Variants in NELL2 observed in about 807,000 individuals in gnomAD.
NELL2 encodes the protein neural EGFL like 2.
Under a neutral mutation model 109.6 loss-of-function variants are expected in NELL2, and 41 were observed. That is an observed-to-expected ratio of 0.37 (90% CI 0.29 to 0.49). NELL2 has a LOEUF of 0.49. Among genes scored for constraint, NELL2 ranks in the 20% least tolerant of loss-of-function variants. NELL2 has a pLI of 0.98. For missense variants in NELL2, 900 were observed against 1,008.3 expected (o/e 0.89, Z 1.45); for synonymous variants, 355 against 344.7 (o/e 1.03, Z -0.33).
At chr12:44,796,771 A>G (rs1473364696) in intron 3 of NELL2, among the ~76,000 whole-genome samples, 1 of 152,180 alleles carries the variant, frequency 6.6e-6, no homozygotes, top group Non-Finnish European at 1.5e-5. Context: ...AGATAAGATC[A>G]GTAGCAAATT....
intron 1 of NELL2, among the ~76,000 whole-genome samples, chr12:44,921,522 C>T (rs1945867930): frequency 6.6e-6 from 1 of 152,136 alleles, no homozygotes; most frequent in South Asian, 2.1e-4. Flanking sequence ...CTCTGTGTAC[C>T]TTGACCCTCA....
At chr12:44,761,086 G>A (rs1259552417) in intron 9 of NELL2, among the ~76,000 whole-genome samples, 1 of 152,186 alleles carries the variant, frequency 6.6e-6, no homozygotes, top group Non-Finnish European at 1.5e-5. Context: ...ACACAGCCTG[G>A]TGCGGTGGCT....
intron 1 of NELL2, among the ~76,000 whole-genome samples, chr12:44,892,923 TA>T (rs566000030): frequency 1.3e-5 from 2 of 151,780 alleles, no homozygotes; most frequent in African/African-American, 4.8e-5. Flanking sequence ...TCCAAACTAT[TA>T]AAAAAAATCA....
intron 2 of NELL2, among the ~76,000 whole-genome samples, chr12:44,856,403 T>C (rs954690661): frequency 2.6e-5 from 4 of 152,196 alleles, no homozygotes; most frequent in Non-Finnish European, 5.9e-5. Context: ...GTATGGTAAA[T>C]AATAAGTGTT....
rs1945490634 is a variant in NELL2, at chr12:44,887,714, C to T, written c.39-11814G>A. On this transcript the variant is annotated intron_variant, in intron 1 of 20. Transcript: ENST00000333837. ...TTTTGCTATTGAGTTGTTTGAGCTC[C>T]TTATATTCTGGTTATTAATCCCTTG... is the stretch of plus-strand genomic sequence containing the variant. Among the ~76,000 whole-genome samples the T allele has an allele frequency of 5.3e-5, 8 of 151,260 alleles. No individual in the cohort carries two copies. The South Asian group carries it at 1.7e-3, about 32-fold the overall frequency.
rs1592388397 is a variant in NELL2, at chr12:44,716,571, T to A, written c.995-1830A>T. ...ACATCTAATTTTTAGGATTTTTTTG[T>A]TTTTATGAAACTCAGTAACCTCAAC... On this transcript the variant is annotated intron_variant, in intron 9 of 19. Transcript: ENST00000429094. Among the ~76,000 whole-genome samples the A allele has an allele frequency of 4.6e-5, 7 of 151,298 alleles. No individual in the cohort carries two copies. In the South Asian group the frequency reaches 1.4e-3, roughly 31 times the overall value.
chr12:44,715,369 A>T (rs998170583), intron 9 of NELL2, among the ~76,000 whole-genome samples: 1 of 150,894 alleles, frequency 6.6e-6, no homozygotes. Context: ...CATGGGAAAA[A>T]TATGTTTTTA....
rs554310023 is a variant in NELL2 at position 44,763,955 on chromosome 12, C to T, written c.994+10792G>A. ...ACAGTTTAATTTTGCATTGAGACAGCACAATCTTTCTCAGCAGAACCACCC... is the reference window on the plus strand; with the variant it reads ...ACAGTTTAATTTTGCATTGAGACAGTACAATCTTTCTCAGCAGAACCACCC... On this transcript the variant is annotated intron_variant, in intron 9 of 19. Coordinates refer to ENST00000429094, the MANE Select transcript of NELL2 (RefSeq NM_001145108.2). 4.6e-5 allele frequency among the ~76,000 whole-genome samples: 7 copies of T among 152,232 alleles called. No homozygotes were observed. The South Asian group carries it at 1.4e-3, about 32-fold the overall frequency.
At chr12:44,666,701 A>T (rs1592296372) in intron 12 of NELL2, among the ~76,000 whole-genome samples, 1 of 152,314 alleles carries the variant, frequency 6.6e-6, no homozygotes, top group East Asian at 1.9e-4. Context: ...GAGGGACAAA[A>T]CTGAGTCCTA....
At chr12:44,651,264 C>G (rs1947291523) in intron 13 of NELL2, among the ~76,000 whole-genome samples, 2 of 152,172 alleles carry the variant, frequency 1.3e-5, no homozygotes, top group African/African-American at 2.4e-5. Context: ...GACACGCAGT[C>G]AATGGAATTT....
intron 15 of NELL2, among the ~76,000 whole-genome samples, chr12:44,594,017 C>A (rs1184127567): frequency 1.3e-5 from 2 of 151,834 alleles, no homozygotes; most frequent in Admixed American, 6.6e-5. Flanking sequence ...TCATTCTCAG[C>A]AAACTAACAC....
chr12:44,827,682 G>A (rs72482219), intron 2 of NELL2, among the ~76,000 whole-genome samples: 1,571 of 152,204 alleles, frequency 0.01, 31 homozygotes, highest in East Asian at 0.048. Flanking sequence ...TACTCATCGT[G>A]TGTAAGTACC....
At chr12:44,705,197 A>G (rs1055842604) in intron 11 of NELL2, among the ~76,000 whole-genome samples, 1 of 152,118 alleles carries the variant, frequency 6.6e-6, no homozygotes, top group Non-Finnish European at 1.5e-5. Context: ...GAGTTAAAAC[A>G]TACTCCCTAT....
chr12:44,817,137 C>T (rs1566461687), intron 2 of NELL2, among the ~76,000 whole-genome samples: 1 of 152,178 alleles, frequency 6.6e-6, no homozygotes, highest in Non-Finnish European at 1.5e-5. Context: ...AAACATTTAG[C>T]ACTCCTGGGT....
At chr12:44,724,085 C>T (rs369984630) in intron 9 of NELL2, among the ~76,000 whole-genome samples, 23 of 151,930 alleles carry the variant, frequency 1.5e-4, no homozygotes, top group African/African-American at 5.1e-4. Flanking sequence ...AGATCATGCC[C>T]TTTGCAAAAC....
intron 3 of NELL2, among the ~76,000 whole-genome samples, chr12:44,814,232 G>T (rs1386741797): frequency 6.6e-6 from 1 of 152,192 alleles, no homozygotes; most frequent in African/African-American, 2.4e-5. Flanking sequence ...ATCTATGTAA[G>T]GGATGTCATC....
chr12:44,887,710 G>A (rs143131527), intron 1 of NELL2, among the ~76,000 whole-genome samples: 2,078 of 151,456 alleles, frequency 0.014, 69 homozygotes, highest in African/African-American at 0.048. Context: ...AGTTGTTTGA[G>A]CTCCTTATAT....
rs1949019226 is a variant in NELL2 at position 44,695,063 on chromosome 12, A to AGAGGGAGGAAGG, written c.1318+8651_1318+8662dup. On this transcript the variant is annotated intron_variant, in intron 12 of 19. Transcript: ENST00000429094. Reference sequence around the variant, plus strand: ...GGAAGGAAGAAAGGAAGGAAGGAAGAGAGGGAGGAAGGGAGGGAGGGGCAG... The same window carrying AGAGGGAGGAAGG: ...GGAAGGAAGAAAGGAAGGAAGGAAGAGAGGGAGGAAGGGAGGGAGGAAGGGAGGGAGGGGCAG... Among the ~76,000 whole-genome samples the AGAGGGAGGAAGG allele has an allele frequency of 2.2e-5, 3 of 135,620 alleles. No individual in the cohort carries two copies. The South Asian group carries it at 7.7e-4, about 35-fold the overall frequency. The allele number at this position is 135,620 out of a possible 152,430, so 89.0% of individuals were successfully genotyped here.
intron 13 of NELL2, among the ~76,000 whole-genome samples, chr12:44,614,651 A>G (rs947428120): frequency 2.0e-5 from 3 of 152,078 alleles, no homozygotes; most frequent in African/African-American, 7.2e-5. Context: ...CAACCTGGGT[A>G]TGCTAATGTA....
Sources: gnomAD v4.1 joint callset for allele counts (sites outside exome capture counted in the v4.1 genomes callset) on GRCh38, gnomAD v4.1.1 for gene constraint, MANE v1.5 for transcripts, NCBI Gene and HGNC (gene_info 2026-07-23, HGNC 2026-07-21) for gene names.